The following PCSK2 variants were observed in gnomAD, a reference collection of about 807,000 sequenced individuals.
PCSK2 encodes neuroendocrine convertase 2.
In PCSK2, 14 loss-of-function variants were observed where a neutral mutation model predicts 69.7. That is an observed-to-expected ratio of 0.20 (90% CI 0.13 to 0.31). The LOEUF (loss-of-function observed/expected upper bound fraction) is 0.31, where lower values mean the gene tolerates loss of function less well. PCSK2 is among the 10% of genes least tolerant of loss of function. The probability of loss-of-function intolerance (pLI) is 1.00; values close to 1 mark genes in which losing one functional copy is unlikely to be tolerated. For synonymous variants in PCSK2, 307 were observed against 320.7 expected, an observed-to-expected ratio of 0.96 and a Z score of 0.46; for missense variants, 544 against 842.5, an observed-to-expected ratio of 0.65 and a Z score of 4.39.
At chr20:17,372,126 T>C (rs559582535) in intron 5 of PCSK2, among the ~76,000 whole-genome samples, 105 of 152,202 alleles carry the variant, frequency 6.9e-4, no homozygotes, top group African/African-American at 2.4e-3. Flanking sequence ...GTGATTAAGA[T>C]AGTAAATTAT....
At chr20:17,259,357 A>T (rs1987292217) in intron 1 of PCSK2, among the ~76,000 whole-genome samples, 1 of 152,230 alleles carries the variant, frequency 6.6e-6, no homozygotes, top group Non-Finnish European at 1.5e-5. Flanking sequence ...GCATGTCTTC[A>T]TCAATGTGAA....
intron 2 of PCSK2, among the ~76,000 whole-genome samples, chr20:17,357,051 T>C (rs1559954): frequency 0.9 from 137,123 of 152,108 alleles, 61,907 homozygotes; most frequent in South Asian, 0.95. Context: ...TAGTAATATC[T>C]AGCAGCACCC....
At chr20:17,361,957 G>A (rs556509500) in intron 4 of PCSK2, among the ~76,000 whole-genome samples, 2 of 152,286 alleles carry the variant, frequency 1.3e-5, no homozygotes, top group East Asian at 3.9e-4. Context: ...AGGATTTGGG[G>A]AAAACCTACC....
chr20:17,267,855 T>C (rs1256775588), intron 2 of PCSK2, among the ~76,000 whole-genome samples: 1 of 151,962 alleles, frequency 6.6e-6, no homozygotes, highest in African/African-American at 2.4e-5. Context: ...TTGGTGGCTC[T>C]GTATCGTCTT....
rs1451236597 is a variant in PCSK2, at chr20:17,453,221, A to T, written c.886-521A>T. ...ATATCATATTTAAATTTATATATTG[A>T]TATATAGCTATTTAAAATAAAAGGT... On this transcript the variant is annotated intron_variant, in intron 8 of 11. Transcript: ENST00000262545. The surrounding 1 kb of genome is among the most constrained non-coding windows in gnomAD (Gnocchi z 4.0). Among the ~76,000 whole-genome samples, 3 of 152,114 alleles carry T rather than the reference A, an allele frequency of 2.0e-5. No individual in the cohort carries two copies. The highest frequency in any genetic ancestry group is 6.5e-5 in the Admixed American group (1 of 15,270).
Position 17,227,427 on chromosome 20 carries a change from G to T in PCSK2, c.122G>T (p.Gly41Val), listed in dbSNP as rs143669642. The change falls in exon 1 of 12, where the codon GGG becomes GTG. Residue 41 changes from glycine to valine, a missense_variant. By Grantham distance (109) the Gly-to-Val change is moderately radical. Around this residue, in one of 3 missense-constraint regions of PCSK2, gnomAD observed 157 missense variants for 155.0 expected, o/e 1.01. Transcript: ENST00000262545. The stretch of plus-strand genomic sequence containing the variant: ...CATTTTCTTGTGGAGTTGCATAAAG[G>T]GGGAGAGGACAAAGCTCGCCAAGTT... ...TNHFLVELHK[G>V]GEDKARQVAA... The T allele has an allele frequency of 2.5e-6, 4 of 1,613,860 alleles. No individual in the cohort carries two copies. Among genetic ancestry groups the T allele is most frequent in the East Asian group, 2.2e-5 (1 of 44,854 alleles).
At chr20:17,459,797 G>T (rs187290589) in intron 10 of PCSK2, among the ~76,000 whole-genome samples, 248 of 152,310 alleles carry the variant, frequency 1.6e-3, no homozygotes, top group Non-Finnish European at 2.8e-3. Context: ...CTGTTCCCCG[G>T]GAATACTTAA....
At chr20:17,282,401 T>C (rs1988349944) in intron 2 of PCSK2, among the ~76,000 whole-genome samples, 1 of 152,192 alleles carries the variant, frequency 6.6e-6, no homozygotes, top group Non-Finnish European at 1.5e-5. Context: ...CCTCTGTAGC[T>C]TTAAGAAGAA....
intron 11 of PCSK2, among the ~76,000 whole-genome samples, chr20:17,468,712 T>TC (rs1473563678): frequency 7.4e-6 from 1 of 134,248 alleles, no homozygotes; most frequent in Non-Finnish European, 1.6e-5. Context: ...GTCAGCACCC[T>TC]CCATGGGCCA....
At chr20:17,338,856 A>G (rs1185362064) in intron 2 of PCSK2, among the ~76,000 whole-genome samples, 5 of 152,244 alleles carry the variant, frequency 3.3e-5, no homozygotes, top group Admixed American at 3.3e-4. Flanking sequence ...GACAATCTCA[A>G]CACACTAGTG....
chr20:17,295,565 T>C (rs906042195), intron 2 of PCSK2, among the ~76,000 whole-genome samples: 5 of 148,540 alleles, frequency 3.4e-5, no homozygotes, highest in Non-Finnish European at 7.4e-5. Context: ...TATTTATTTA[T>C]TTATTATTTA....
chr20:17,450,976 C>T (rs559929567), intron 8 of PCSK2, among the ~76,000 whole-genome samples: 26 of 152,224 alleles, frequency 1.7e-4, no homozygotes, highest in African/African-American at 6.3e-4. Flanking sequence ...GAGGTCCCTT[C>T]CCCACTCATT....
At chr20:17,457,594 A>G (rs1342166526) in intron 10 of PCSK2, among the ~76,000 whole-genome samples, 2 of 152,232 alleles carry the variant, frequency 1.3e-5, no homozygotes, top group Admixed American at 1.3e-4. Flanking sequence ...GTCAAAGCTC[A>G]ACTATTAGGC....
At chr20:17,418,198 C>A (rs1039794136) in intron 6 of PCSK2, among the ~76,000 whole-genome samples, 3 of 152,068 alleles carry the variant, frequency 2.0e-5, no homozygotes, top group Middle Eastern at 3.2e-3. Context: ...TCGTAGTAAC[C>A]CTCTGAAATA....
At position 17,483,929 on chromosome 20, in the gene PCSK2, A is replaced by G. The variant is rs1366568352; in HGVS notation, c.*1859A>G. ...ATATATACATATGTAGACTATATAC[A>G]TGTGTGTATATATGTGTATATATAC... is the stretch of plus-strand genomic sequence containing the variant. On this transcript the variant is annotated 3_prime_UTR_variant, in exon 12 of 12. Transcript: ENST00000262545. 1 of 152,582 alleles carries G rather than the reference A, an allele frequency of 6.6e-6. No homozygotes were observed. Among genetic ancestry groups the G allele is most frequent in the African/African-American group, 2.4e-5 (1 of 41,456 alleles). 9.5% of individuals were successfully genotyped at this position (152,582 alleles called of 1,614,324 possible). A position where few individuals can be genotyped will look rare whatever the true frequency, so the allele number is the denominator to read the frequency against.
At chr20:17,424,275 T>G (rs566833293) in intron 6 of PCSK2, among the ~76,000 whole-genome samples, 1 of 152,178 alleles carries the variant, frequency 6.6e-6, no homozygotes, top group Non-Finnish European at 1.5e-5. Flanking sequence ...GAAGCCAATT[T>G]TACATAGATC....
At chr20:17,407,787 C>T (rs1350957547) in intron 5 of PCSK2, among the ~76,000 whole-genome samples, 4 of 152,110 alleles carry the variant, frequency 2.6e-5, no homozygotes, top group African/African-American at 9.7e-5. Context: ...AGACTTCCTC[C>T]TCTCTGAAAG....
At chr20:17,233,159 A>G (rs868063219) in intron 1 of PCSK2, among the ~76,000 whole-genome samples, 2 of 152,236 alleles carry the variant, frequency 1.3e-5, no homozygotes, top group African/African-American at 4.8e-5. Flanking sequence ...TTGAAAGGTA[A>G]AGATGACAGG....
At chr20:17,316,382 G>T (rs1211077517) in intron 2 of PCSK2, among the ~76,000 whole-genome samples, 2 of 152,146 alleles carry the variant, frequency 1.3e-5, no homozygotes, top group African/African-American at 4.8e-5. Context: ...TATGTATCAG[G>T]CTCTGGGCAC....
Sources: gnomAD v4.1 joint callset for allele counts (sites outside exome capture counted in the v4.1 genomes callset) on GRCh38, gnomAD v4.1.1 for gene constraint, gnomAD v4.1.1 regional missense constraint, Gnocchi (gnomAD v3.1) non-coding constraint, MANE v1.5 for transcripts, NCBI Gene and HGNC (gene_info 2026-07-23, HGNC 2026-07-21) for gene names.